DNAJC10: variants seen among roughly 807,000 people sequenced by gnomAD.
DNAJC10 encodes the protein endoplasmic reticulum disulfide reductase DNAJC10.
A neutral mutation model predicts 115.0 loss-of-function variants in DNAJC10; 101 were observed. The observed-to-expected ratio is 0.88, with a 90% CI of 0.75 to 1.04. The LOEUF is 1.04. Among genes scored for constraint, DNAJC10 ranks in the 50% least tolerant of loss-of-function variants. The pLI is 0.00. For synonymous variants in DNAJC10, 307 were observed against 301.5 expected, an observed-to-expected ratio of 1.02 and a Z score of -0.19; for missense variants, 981 against 928.8, an observed-to-expected ratio of 1.06 and a Z score of -0.73.
chr2:182,767,994 T>C (rs1390258712), intron 22 of DNAJC10, among the ~76,000 whole-genome samples: 2 of 152,128 alleles, frequency 1.3e-5, no homozygotes, highest in South Asian at 2.1e-4. Flanking sequence ...CGTATGAATA[T>C]GTTGCCGTGT....
chr2:182,727,646 C>A (rs926839792), intron 5 of DNAJC10, among the ~76,000 whole-genome samples: 1 of 152,110 alleles, frequency 6.6e-6, no homozygotes, highest in Non-Finnish European at 1.5e-5. Context: ...CTGAGTCCTG[C>A]ACCTGTTTCT....
chr2:182,737,067 A>C (rs1693603227), intron 11 of DNAJC10, among the ~76,000 whole-genome samples: 1 of 152,164 alleles, frequency 6.6e-6, no homozygotes, highest in African/African-American at 2.4e-5. Context: ...TTATTTTCTA[A>C]TGTTAAAAAT....
In DNAJC10 at chr2:182,782,821, AGAT is replaced by A. The variant is rs1409048858; in HGVS notation, c.*5694_*5696del. The A allele has an allele frequency of 6.6e-5, 10 of 152,186 alleles. No homozygotes were observed. In the East Asian group the frequency reaches 7.7e-4, roughly 12 times the overall value. 9.4% of individuals were successfully genotyped at this position (152,186 alleles called of 1,614,324 possible). ...ATCAGCTTAAGGAGTTTTTGGGCTGAGATGATGGGGTTTTCTAAATATACAATT... is the reference window on the plus strand; with the variant it reads ...ATCAGCTTAAGGAGTTTTTGGGCTGAGATGGGGTTTTCTAAATATACAATT... On this transcript the variant is annotated 3_prime_UTR_variant, in exon 24 of 24. Coordinates refer to ENST00000264065, the MANE Select transcript of DNAJC10 (RefSeq NM_018981.4).
At chr2:182,736,940 G>C (rs1365313589) in intron 11 of DNAJC10, among the ~76,000 whole-genome samples, 2 of 152,092 alleles carry the variant, frequency 1.3e-5, no homozygotes, top group African/African-American at 4.8e-5. Flanking sequence ...AGTAGAGACG[G>C]GGTTTCGCCA....
At chr2:182,745,592 C>G (rs78677884) in intron 14 of DNAJC10, among the ~76,000 whole-genome samples, 1,843 of 151,850 alleles carry the variant, frequency 0.012, 35 homozygotes, top group African/African-American at 0.043. Flanking sequence ...AGGTACAGTA[C>G]TGAGGAATAG....
At chr2:182,753,713 G>T (rs1171506567) in intron 16 of DNAJC10, among the ~76,000 whole-genome samples, 54 of 150,912 alleles carry the variant, frequency 3.6e-4, no homozygotes, top group Non-Finnish European at 1.5e-4. Context: ...CTGCCGAGTA[G>T]GTGGGATTAC....
At chr2:182,719,412 G>T (rs1262812199) in intron 3 of DNAJC10, among the ~76,000 whole-genome samples, 2 of 151,678 alleles carry the variant, frequency 1.3e-5, no homozygotes, top group Non-Finnish European at 2.9e-5. Context: ...CGTCACTACT[G>T]CCCAGCTAGT....
intron 8 of DNAJC10, chr2:182,730,523 T>C (rs1226791760): frequency 2.2e-6 from 1 of 450,626 alleles, no homozygotes; most frequent in Non-Finnish European, 4.5e-6. Context: ...ATATAGGTAC[T>C]ATTATTATAG....
At chr2:182,721,967 G>T in intron 4 of DNAJC10, 58 bp from the exon 5 acceptor site, 2 of 978,554 alleles carry the variant, frequency 2.0e-6, no homozygotes. Flanking sequence ...CTATTTTTAT[G>T]TTGCAATTTA....
In DNAJC10 at chr2:182,720,021, A is replaced by G. The variant is rs759532288; in HGVS notation, c.219A>G (p.Ala73=). Residue 73 remains alanine (A), a synonymous_variant, in exon 4 of 24, where the codon GCA becomes GCG. Transcript: ENST00000264065. The part of the protein sequence containing the change: ...HPDKNPNNPN[A]HGDFLKINRA... ...TTTTTTAACAGAATAACCCAAATGC[A>G]CATGGCGATTTTTTAAAAATAAATA... is the stretch of plus-strand genomic sequence containing the variant. 19 of 1,553,118 alleles carry G rather than the reference A, an allele frequency of 1.2e-5. No individual in the cohort carries two copies. In the East Asian group the frequency reaches 1.6e-4, roughly 13 times the overall value.
At chr2:182,775,765 A>G (rs1486819505) in intron 23 of DNAJC10, among the ~76,000 whole-genome samples, 4 of 152,228 alleles carry the variant, frequency 2.6e-5, no homozygotes, top group East Asian at 1.9e-4. Flanking sequence ...ATTGAATAGA[A>G]TATTTTCAGC....
intron 2 of DNAJC10, 121 bp from the exon 3 acceptor site, chr2:182,717,820 G>T (rs574552579): frequency 1.2e-5 from 3 of 260,796 alleles, no homozygotes; most frequent in African/African-American, 4.4e-5. Context: ...AGAACCTGGG[G>T]CATTCACACT....
chr2:182,777,121 G>T lies in DNAJC10; in HGVS notation c.2371G>T (p.Asp791Tyr). The change falls in exon 24 of 24, where the codon GAT becomes TAT. Residue 791 changes from aspartate (D) to tyrosine (Y), a missense_variant and splice_region_variant. Physicochemically the swap from Asp to Tyr is radical, Grantham distance 160. Coordinates refer to ENST00000264065, the MANE Select transcript of DNAJC10 (RefSeq NM_018981.4). ...TATCGCCTTTACATTATTATTATAGGATGAACTTTGATAATGTTGAAGATG... is the reference window on the plus strand; with the variant it reads ...TATCGCCTTTACATTATTATTATAGTATGAACTTTGATAATGTTGAAGATG... Reference protein sequence around the residue: ...TLRNQGKRNKDEL With the variant: ...TLRNQGKRNKYEL 1 of 1,406,598 alleles carries T rather than the reference G, an allele frequency of 7.1e-7. No individual in the cohort carries two copies. Among genetic ancestry groups the T allele is most frequent in the Non-Finnish European group, 9.6e-7 (1 of 1,046,072 alleles). 87.1% of individuals were successfully genotyped at this position (1,406,598 alleles called of 1,614,324 possible). A position where few individuals can be genotyped will look rare whatever the true frequency, so the allele number is the denominator to read the frequency against.
intron 5 of DNAJC10, 126 bp downstream of exon 5, chr2:182,722,201 C>G (rs1404062867): frequency 1.6e-6 from 1 of 620,028 alleles, no homozygotes; most frequent in Non-Finnish European, 2.8e-6. Context: ...ATGTAATATA[C>G]TGTATCTTAA....
Position 182,750,635 on chromosome 2 carries a change from A to G in DNAJC10, c.1307-1023A>G, listed in dbSNP as rs369425447. 6.6e-5 allele frequency among the ~76,000 whole-genome samples: 10 copies of G among 152,368 alleles called. 1 individual carries two copies. The highest frequency in any genetic ancestry group is 2.4e-4 in the African/African-American group (10 of 41,582). On this transcript the variant is annotated intron_variant, in intron 14 of 23. Coordinates refer to ENST00000264065, the MANE Select transcript of DNAJC10 (RefSeq NM_018981.4). ...AAAAAACTAGATGGTATAGTCCACTACACATCTAGGCTATACAGTATAGCC... is the reference window on the plus strand; with the variant it reads ...AAAAAACTAGATGGTATAGTCCACTGCACATCTAGGCTATACAGTATAGCC...
chr2:182,718,318 T>C (rs752454059), intron 3 of DNAJC10, 28 bp downstream of exon 3: 1 of 1,520,228 alleles, frequency 6.6e-7, no homozygotes, highest in South Asian at 1.3e-5. Context: ...TTTAAAAATA[T>C]TTGATTATAT....
At chr2:182,719,878 A>T in intron 3 of DNAJC10, 129 bp from the exon 4 acceptor site, 1 of 402,626 alleles carries the variant, frequency 2.5e-6, no homozygotes, top group East Asian at 4.2e-5. Context: ...GTCATGTTGT[A>T]TTACCCCTCC....
At chr2:182,728,748 C>A (rs1693357245) in intron 6 of DNAJC10, 90 bp downstream of exon 6, 1 of 1,491,600 alleles carries the variant, frequency 6.7e-7, no homozygotes, top group Non-Finnish European at 9.2e-7. Flanking sequence ...GAATAGTAAT[C>A]AAAAATAATT....
intron 22 of DNAJC10, among the ~76,000 whole-genome samples, chr2:182,771,182 T>C (rs1265199487): frequency 4.6e-5 from 7 of 152,224 alleles, no homozygotes; most frequent in African/African-American, 1.7e-4. Context: ...GATAAGCTTT[T>C]TGATGTGCTG....
Sources: gnomAD v4.1 joint callset for allele counts (sites outside exome capture counted in the v4.1 genomes callset) on GRCh38, gnomAD v4.1.1 for gene constraint, MANE v1.5 for transcripts, NCBI Gene and HGNC (gene_info 2026-07-23, HGNC 2026-07-21) for gene names.